SPTLC3: variants seen among roughly 807,000 people sequenced by gnomAD.
SPTLC3 encodes the protein serine palmitoyltransferase long chain base subunit 3, also known as serine palmitoyltransferase 3.
Under a neutral mutation model 59.3 loss-of-function variants are expected in SPTLC3, and 36 were observed. The observed-to-expected ratio is 0.61, with a 90% CI of 0.47 to 0.80. SPTLC3 has a LOEUF of 0.80. Among genes scored for constraint, SPTLC3 ranks in the 30% least tolerant of loss-of-function variants. SPTLC3 has a pLI of 0.00. For synonymous variants in SPTLC3, 257 were observed against 240.8 expected (o/e 1.07, Z -0.62); for missense variants, 625 against 685.1 (o/e 0.91, Z 0.98).
chr20:13,011,266 C>T (rs1303045556), intron 1 of SPTLC3, among the ~76,000 whole-genome samples: 1 of 152,106 alleles, frequency 6.6e-6, no homozygotes, highest in African/African-American at 2.4e-5. Flanking sequence ...TCCTTGGGAC[C>T]CTTTAACAAA....
chr20:13,085,424 G>T (rs1199667407), intron 4 of SPTLC3, among the ~76,000 whole-genome samples: 3 of 152,124 alleles, frequency 2.0e-5, no homozygotes, highest in Admixed American at 2.0e-4. Flanking sequence ...TTCAAGCAAA[G>T]TGGCACAGAT....
intron 4 of SPTLC3, among the ~76,000 whole-genome samples, chr20:13,088,862 C>T (rs1032606929): frequency 6.8e-6 from 1 of 146,508 alleles, no homozygotes; most frequent in Non-Finnish European, 1.5e-5. Flanking sequence ...AACTCCTGAC[C>T]TTAGGTAATC....
intron 6 of SPTLC3, among the ~76,000 whole-genome samples, chr20:13,108,848 G>A (rs1198858455): frequency 6.6e-6 from 1 of 152,162 alleles, no homozygotes; most frequent in Admixed American, 6.5e-5. Context: ...ATTTTAAATG[G>A]TGTTTCTAAT....
intron 2 of SPTLC3, among the ~76,000 whole-genome samples, chr20:13,054,238 T>C (rs1260670033): frequency 6.6e-6 from 1 of 152,194 alleles, no homozygotes; most frequent in Non-Finnish European, 1.5e-5. Context: ...GAAAGACTGC[T>C]GAGAGGCAAG....
chr20:13,076,166 G>A (rs1988639089), intron 4 of SPTLC3, among the ~76,000 whole-genome samples: 1 of 152,104 alleles, frequency 6.6e-6, no homozygotes, highest in Non-Finnish European at 1.5e-5. Flanking sequence ...ACTAATTTTA[G>A]GCAAATAGAA....
intron 1 of SPTLC3, among the ~76,000 whole-genome samples, chr20:13,031,728 T>C (rs1199015734): frequency 6.6e-6 from 1 of 152,188 alleles, no homozygotes; most frequent in African/African-American, 2.4e-5. Context: ...AGTCAAGCTT[T>C]GCACAGTGTT....
rs760194015 is a variant in SPTLC3 at position 13,009,233 on chromosome 20, G to A, written c.-35G>A. The A allele has an allele frequency of 6.3e-7, 1 of 1,592,710 alleles. No homozygotes were observed. The highest frequency in any genetic ancestry group is 8.6e-7 in the Non-Finnish European group (1 of 1,161,040). On this transcript the variant is annotated 5_prime_UTR_variant, in exon 1 of 12. Coordinates refer to ENST00000399002, the MANE Select transcript of SPTLC3 (RefSeq NM_018327.4). Reference sequence around the variant, plus strand: ...ACTAAAGCCTGCAGAGACCTCTGAAGGAAAACCTGTCCCGGGCTCTGTCAC... The same window carrying A: ...ACTAAAGCCTGCAGAGACCTCTGAAAGAAAACCTGTCCCGGGCTCTGTCAC...
intron 4 of SPTLC3, among the ~76,000 whole-genome samples, chr20:13,081,068 G>A (rs1308340782): frequency 6.6e-6 from 1 of 152,150 alleles, no homozygotes; most frequent in Non-Finnish European, 1.5e-5. Flanking sequence ...AGAAACTGAA[G>A]CAAAATTAAT....
intron 9 of SPTLC3, among the ~76,000 whole-genome samples, chr20:13,145,529 GA>G (rs1398297277): frequency 1.3e-5 from 2 of 152,082 alleles, no homozygotes; most frequent in Non-Finnish European, 2.9e-5. Context: ...TCATGGATAG[GA>G]AGAATCAACA....
At chr20:13,072,472 G>A in intron 3 of SPTLC3, 62 bp downstream of exon 3, 2 of 1,451,302 alleles carry the variant, frequency 1.4e-6, no homozygotes, top group Admixed American at 2.4e-5. Context: ...ATCCTAGCAT[G>A]GCCACTAGAT....
At chr20:13,122,973 A>G (rs1297725478) in intron 8 of SPTLC3, among the ~76,000 whole-genome samples, 1 of 152,164 alleles carries the variant, frequency 6.6e-6, no homozygotes, top group African/African-American at 2.4e-5. Flanking sequence ...AGAAGCTTTT[A>G]TATTTTGGTC....
At chr20:13,021,571 C>T (rs6078887) in intron 1 of SPTLC3, among the ~76,000 whole-genome samples, 40,373 of 136,720 alleles carry the variant, frequency 0.3, 6,412 homozygotes, top group South Asian at 0.46. Context: ...CGCCACCATC[C>T]CCACCTCCAC....
intron 1 of SPTLC3, among the ~76,000 whole-genome samples, chr20:13,026,772 C>T (rs1394756263): frequency 1.3e-5 from 2 of 152,188 alleles, no homozygotes; most frequent in African/African-American, 2.4e-5. Flanking sequence ...TGTGCACAGC[C>T]TCCTCTCCAA....
At chr20:13,068,382 A>G (rs1197851409) in intron 2 of SPTLC3, among the ~76,000 whole-genome samples, 1 of 152,192 alleles carries the variant, frequency 6.6e-6, no homozygotes, top group East Asian at 1.9e-4. Context: ...GATATATCCT[A>G]TTGCAATGCT....
intron 2 of SPTLC3, among the ~76,000 whole-genome samples, chr20:13,064,246 A>T (rs1445316607): frequency 7.1e-6 from 1 of 141,216 alleles, no homozygotes; most frequent in Non-Finnish European, 1.5e-5. Flanking sequence ...TTAATTAAAT[A>T]GTTCTTTTTT....
chr20:13,073,801 TGATTAAAG>T (rs1988535642), intron 3 of SPTLC3: 1 of 599,112 alleles, frequency 1.7e-6, no homozygotes. Flanking sequence ...CCTGGAGCTG[TGATTAAAG>T]TTGGCCCCAA....
In SPTLC3 at chr20:13,167,465, A is replaced by AC. The variant is rs1201850255; in HGVS notation, c.*2599dup. On this transcript the variant is annotated 3_prime_UTR_variant, in exon 12 of 12. Transcript: ENST00000399002. The stretch of plus-strand genomic sequence containing the variant: ...TGTTCACATTTACACACATGCACAC[A>AC]CACATACACATATGCATTTTTCCTT... 2 of 152,192 alleles carry AC rather than the reference A, an allele frequency of 1.3e-5. No individual in the cohort carries two copies. The highest frequency in any genetic ancestry group is 4.8e-5 in the African/African-American group (2 of 41,436). The allele number at this position is 152,192 out of a possible 1,614,324, so 9.4% of individuals were successfully genotyped here.
At chr20:13,128,558 G>T (rs549535519) in intron 9 of SPTLC3, among the ~76,000 whole-genome samples, 1 of 152,288 alleles carries the variant, frequency 6.6e-6, no homozygotes, top group Non-Finnish European at 1.5e-5. Flanking sequence ...TTATCACCTT[G>T]CTTACAATTA....
At chr20:13,031,852 C>T (rs748710203) in intron 1 of SPTLC3, among the ~76,000 whole-genome samples, 4 of 152,220 alleles carry the variant, frequency 2.6e-5, no homozygotes, top group South Asian at 2.1e-4. Context: ...ATGTTTCTTT[C>T]GGGCTTTAAC....
Sources: gnomAD v4.1 joint callset for allele counts (sites outside exome capture counted in the v4.1 genomes callset) on GRCh38, gnomAD v4.1.1 for gene constraint, MANE v1.5 for transcripts, NCBI Gene and HGNC (gene_info 2026-07-23, HGNC 2026-07-21) for gene names.